The following CSNK1G1 variants were observed in gnomAD, a reference collection of about 807,000 sequenced individuals.
CSNK1G1 encodes casein kinase 1 gamma 1, also known as casein kinase I isoform gamma-1.
Under a neutral mutation model 59.6 loss-of-function variants are expected in CSNK1G1, and 22 were observed. The ratio of observed to expected loss-of-function variants is 0.37; its 90% CI spans 0.26 to 0.53. The LOEUF is 0.53. CSNK1G1 is among the 20% of genes least tolerant of loss of function. CSNK1G1 has a pLI of 0.89. For synonymous variants in CSNK1G1, 179 were observed against 177.1 expected (o/e 1.01, Z -0.08); for missense variants, 384 against 519.5 (o/e 0.74, Z 2.54).
At chr15:64,240,007 G>A (rs1383140245) in intron 4 of CSNK1G1, among the ~76,000 whole-genome samples, 3 of 152,220 alleles carry the variant, frequency 2.0e-5, no homozygotes, top group Non-Finnish European at 2.9e-5. Context: ...GCTGAGGCGG[G>A]TGGATCACTT....
chr15:64,189,930 T>C (rs2081948705), intron 10 of CSNK1G1, among the ~76,000 whole-genome samples: 1 of 151,834 alleles, frequency 6.6e-6, no homozygotes, highest in African/African-American at 2.4e-5. Flanking sequence ...GCCACTCTTC[T>C]GCCTCAGCCT....
At chr15:64,236,437 A>C (rs1363934712) in intron 4 of CSNK1G1, among the ~76,000 whole-genome samples, 2 of 152,206 alleles carry the variant, frequency 1.3e-5, no homozygotes, top group African/African-American at 2.4e-5. Flanking sequence ...CAAGGAACTC[A>C]AACAACAAAA....
At chr15:64,181,872 T>G (rs1190260956) in intron 10 of CSNK1G1, 1 of 156,624 alleles carries the variant, frequency 6.4e-6, no homozygotes, top group Non-Finnish European at 1.4e-5. Context: ...TGCCTCTAGC[T>G]CAGGGGTCCT....
chr15:64,285,231 T>C (rs1472765428), intron 2 of CSNK1G1, among the ~76,000 whole-genome samples: 1 of 152,066 alleles, frequency 6.6e-6, no homozygotes, highest in Non-Finnish European at 1.5e-5. Context: ...AAAATTATAA[T>C]CATGAAAACC....
chr15:64,351,226 C>G (rs1262318973), intron 1 of CSNK1G1, among the ~76,000 whole-genome samples: 2 of 152,086 alleles, frequency 1.3e-5, no homozygotes, highest in Non-Finnish European at 2.9e-5. Context: ...GAAAGCACCG[C>G]CTGGACTTTT....
intron 8 of CSNK1G1, 109 bp from the exon 9 acceptor site, chr15:64,204,698 T>C (rs1232857536): frequency 4.7e-6 from 6 of 1,273,386 alleles, no homozygotes; most frequent in Non-Finnish European, 6.7e-6. Flanking sequence ...AATTTGACAC[T>C]GATGTTTTCT....
At chr15:64,230,716 T>C (rs982258467) in intron 4 of CSNK1G1, among the ~76,000 whole-genome samples, 1 of 152,212 alleles carries the variant, frequency 6.6e-6, no homozygotes, top group Non-Finnish European at 1.5e-5. Flanking sequence ...CTCACGCCTG[T>C]AATCCCACCA....
intron 4 of CSNK1G1, among the ~76,000 whole-genome samples, chr15:64,238,233 A>T (rs1299008988): frequency 6.6e-6 from 1 of 151,960 alleles, no homozygotes; most frequent in Non-Finnish European, 1.5e-5. Flanking sequence ...GGATGGCTCT[A>T]GGAATCTGCT....
At chr15:64,277,892 A>G (rs147161298) in intron 2 of CSNK1G1, among the ~76,000 whole-genome samples, 15,388 of 135,222 alleles carry the variant, frequency 0.11, 1,608 homozygotes, top group African/African-American at 0.28. Context: ...TATATTTAAT[A>G]TATTGATATT....
intron 8 of CSNK1G1, 135 bp downstream of exon 8, chr15:64,204,730 T>C: frequency 1.7e-6 from 2 of 1,170,426 alleles, no homozygotes; most frequent in Non-Finnish European, 2.5e-6. Context: ...ATAAAAGTGA[T>C]AAAACCTACT....
At chr15:64,284,600 AT>A (rs919526213) in intron 2 of CSNK1G1, among the ~76,000 whole-genome samples, 4 of 151,842 alleles carry the variant, frequency 2.6e-5, no homozygotes, top group African/African-American at 9.7e-5. Context: ...AATTTTTTTA[AT>A]TTTTGATTTA....
intron 2 of CSNK1G1, among the ~76,000 whole-genome samples, chr15:64,284,483 T>A (rs1894304577): frequency 6.6e-6 from 1 of 152,188 alleles, no homozygotes; most frequent in Admixed American, 6.6e-5. Flanking sequence ...AGATCTTAAA[T>A]TCCCTATGAC....
At chr15:64,186,968 A>G (rs2081904926) in intron 10 of CSNK1G1, among the ~76,000 whole-genome samples, 1 of 151,548 alleles carries the variant, frequency 6.6e-6, no homozygotes, top group Non-Finnish European at 1.5e-5. Context: ...AACTATAGGC[A>G]TGCGCCACCA....
At chr15:64,321,118 A>G (rs1027185894) in intron 1 of CSNK1G1, among the ~76,000 whole-genome samples, 3 of 152,154 alleles carry the variant, frequency 2.0e-5, no homozygotes, top group African/African-American at 7.2e-5. Context: ...TCTGTTTCTT[A>G]TTCAAGAGAA....
intron 10 of CSNK1G1, among the ~76,000 whole-genome samples, chr15:64,190,599 A>G (rs1224222548): frequency 6.6e-6 from 1 of 152,080 alleles, no homozygotes; most frequent in African/African-American, 2.4e-5. Flanking sequence ...TTTTTGGTAG[A>G]GACAGGGTTT....
rs2081643395 is a variant in CSNK1G1, at chr15:64,169,707, A to T, written c.*2224T>A. ...CAAGGACATAAATCCCAATATTCAC[A>T]GTCCTTGTGGGGAAGGGGTGTGATA... On this transcript the variant is annotated 3_prime_UTR_variant, in exon 12 of 12. Transcript: ENST00000303052. 2 of 152,266 alleles carry T rather than the reference A, an allele frequency of 1.3e-5. No individual in the cohort carries two copies. Among genetic ancestry groups the T allele is most frequent in the Non-Finnish European group, 1.5e-5 (1 of 68,048 alleles). 9.4% of individuals were successfully genotyped at this position (152,266 alleles called of 1,614,324 possible). A position where few individuals can be genotyped will look rare whatever the true frequency, so the allele number is the denominator to read the frequency against.
At position 64,165,878 on chromosome 15, in the gene CSNK1G1, C is replaced by T; in HGVS notation, c.*6053G>A. ...TAGGAAATGGGCTACTCTGAGATCA[C>T]ATATCAGAACCCATTTTCCATTTTC... On this transcript the variant is annotated 3_prime_UTR_variant, in exon 12 of 12. Transcript: ENST00000303052. 4.2e-6 allele frequency: 2 copies of T among 478,632 alleles called. No individual in the cohort carries two copies. The highest frequency in any genetic ancestry group is 7.6e-5 in the South Asian group (2 of 26,308). 29.6% of individuals were successfully genotyped at this position (478,632 alleles called of 1,614,324 possible).
rs568028727 is a variant in CSNK1G1, at chr15:64,296,518, T to C, written c.181+3801A>G. Among the ~76,000 whole-genome samples the C allele has an allele frequency of 9.2e-5, 14 of 152,332 alleles. No individual in the cohort carries two copies. In the South Asian group the frequency reaches 2.9e-3, roughly 32 times the overall value. Reference sequence around the variant, plus strand: ...AGAGACAAAAACTATATCTTCTTATTTCTATCCTTCCCAGAGTCTAGTATC... The same window carrying C: ...AGAGACAAAAACTATATCTTCTTATCTCTATCCTTCCCAGAGTCTAGTATC... On this transcript the variant is annotated intron_variant, in intron 2 of 11. Transcript: ENST00000303052.
intron 10 of CSNK1G1, chr15:64,181,416 T>C: frequency 6.5e-7 from 1 of 1,530,336 alleles, no homozygotes; most frequent in Non-Finnish European, 8.7e-7. Context: ...ACACTCTGCT[T>C]GTTAAAGACC....
Sources: gnomAD v4.1 joint callset for allele counts (sites outside exome capture counted in the v4.1 genomes callset) on GRCh38, gnomAD v4.1.1 for gene constraint, MANE v1.5 for transcripts, NCBI Gene and HGNC (gene_info 2026-07-23, HGNC 2026-07-21) for gene names.